BABAM2: variants seen among roughly 807,000 people sequenced by gnomAD.
The protein encoded by BABAM2 is BRISC and BRCA1 A complex member 2, also known as BRISC and BRCA1-A complex member 2.
BABAM2 carries 31 observed loss-of-function variants against 54.7 expected under a neutral mutation model. That is an observed-to-expected ratio of 0.57 (90% CI 0.43 to 0.77). BABAM2 has a LOEUF of 0.77. Among genes scored for constraint, BABAM2 ranks in the 30% least tolerant of loss-of-function variants. The probability of loss-of-function intolerance (pLI) is 0.00; values close to 1 mark genes in which losing one functional copy is unlikely to be tolerated. For synonymous variants in BABAM2, 167 were observed against 162.9 expected (o/e 1.03, Z -0.19); for missense variants, 364 against 455.8 (o/e 0.80, Z 1.83).
intron 6 of BABAM2, among the ~76,000 whole-genome samples, chr2:28,058,311 TA>T (rs1328647037): frequency 6.6e-6 from 1 of 152,046 alleles, no homozygotes; most frequent in Non-Finnish European, 1.5e-5. Context: ...GTTACAGCCT[TA>T]AATACTTAAC....
chr2:28,297,758 T>C (rs1687813459), intron 10 of BABAM2, among the ~76,000 whole-genome samples: 1 of 152,178 alleles, frequency 6.6e-6, no homozygotes, highest in Non-Finnish European at 1.5e-5. Context: ...TGATTGGAAG[T>C]AGAGTGATAA....
chr2:27,935,951 C>T (rs142840124), intron 3 of BABAM2, among the ~76,000 whole-genome samples: 18 of 152,234 alleles, frequency 1.2e-4, no homozygotes, highest in African/African-American at 4.1e-4. Context: ...CAGGGTCTTG[C>T]TCTGTCTCCC....
At chr2:28,026,939 A>AT (rs1558667900) in intron 5 of BABAM2, among the ~76,000 whole-genome samples, 1,799 of 11,544 alleles carry the variant, frequency 0.16, 108 homozygotes, top group Non-Finnish European at 0.32. Flanking sequence ...TATATATATA[A>AT]ATATATATTA....
chr2:28,144,231 C>T (rs1416757279), intron 7 of BABAM2, among the ~76,000 whole-genome samples: 1 of 152,180 alleles, frequency 6.6e-6, no homozygotes, highest in African/African-American at 2.4e-5. Context: ...TTACTGTCAT[C>T]ATCATCAACA....
At chr2:27,966,374 C>G (rs1347823241) in intron 3 of BABAM2, among the ~76,000 whole-genome samples, 2 of 148,058 alleles carry the variant, frequency 1.4e-5, no homozygotes, top group Non-Finnish European at 3.0e-5. Flanking sequence ...TTCACATCTT[C>G]TGAAGACAAC....
At chr2:28,003,198 A>G (rs929495664) in intron 4 of BABAM2, among the ~76,000 whole-genome samples, 1 of 152,164 alleles carries the variant, frequency 6.6e-6, no homozygotes, top group Admixed American at 6.5e-5. Flanking sequence ...TTGTTTTGCA[A>G]GTAGATAATT....
intron 10 of BABAM2, among the ~76,000 whole-genome samples, chr2:28,282,997 CAAAAAAAAAAAAA>C (rs370484850): frequency 1.4e-5 from 1 of 71,940 alleles, no homozygotes; most frequent in South Asian, 5.4e-4. Context: ...GACTCCGTCC[CAAAAAAAAAAAAA>C]AAAAAAAAGG....
chr2:27,965,417 C>G (rs897939658), intron 3 of BABAM2, among the ~76,000 whole-genome samples: 5 of 152,158 alleles, frequency 3.3e-5, no homozygotes, highest in Non-Finnish European at 7.4e-5. Context: ...AGTTTCACAG[C>G]TATCAACTCA....
chr2:27,892,473 A>G (rs1012441713), intron 1 of BABAM2: 7 of 152,180 alleles, frequency 4.6e-5, no homozygotes, highest in African/African-American at 1.7e-4. Context: ...CTTTTTTATA[A>G]GATAGGTATA....
intron 2 of BABAM2, among the ~76,000 whole-genome samples, chr2:27,907,388 C>T (rs969553953): frequency 2.0e-5 from 3 of 151,668 alleles, no homozygotes; most frequent in Non-Finnish European, 4.4e-5. Context: ...AGGTGTAATG[C>T]CCTCAGAATG....
At chr2:28,297,396 C>G (rs1687783869) in intron 10 of BABAM2, among the ~76,000 whole-genome samples, 1 of 152,204 alleles carries the variant, frequency 6.6e-6, no homozygotes, top group African/African-American at 2.4e-5. Context: ...TTATGCTGTT[C>G]CTATTCTTTG....
chr2:28,307,023 T>TTG (rs1688603850), intron 11 of BABAM2, among the ~76,000 whole-genome samples: 1 of 130,518 alleles, frequency 7.7e-6, no homozygotes, highest in Middle Eastern at 4.4e-3. Context: ...TTTTTTTTTT[T>TTG]TGAGACAGAG....
At chr2:28,280,545 A>G (rs368299481) in intron 10 of BABAM2, among the ~76,000 whole-genome samples, 8 of 152,300 alleles carry the variant, frequency 5.3e-5, no homozygotes, top group Admixed American at 4.6e-4. Flanking sequence ...AACCAAATAC[A>G]TACACACATA....
chr2:28,130,073 T>C (rs892563349), intron 7 of BABAM2, among the ~76,000 whole-genome samples: 2 of 152,186 alleles, frequency 1.3e-5, no homozygotes, highest in Non-Finnish European at 2.9e-5. Flanking sequence ...GAAAATGGAT[T>C]ATAAGCAGAT....
intron 7 of BABAM2, among the ~76,000 whole-genome samples, chr2:28,229,949 C>T (rs1344031132): frequency 1.3e-5 from 2 of 152,166 alleles, no homozygotes; most frequent in African/African-American, 4.8e-5. Flanking sequence ...TTAGCCATTT[C>T]AACTTTTTTA....
In BABAM2 at chr2:27,915,170, T is replaced by C. The variant is rs191919156; in HGVS notation, c.129-14662T>C. 4.5e-4 allele frequency among the ~76,000 whole-genome samples: 68 copies of C among 152,264 alleles called. 1 individual carries two copies. The highest frequency in any genetic ancestry group is 4.3e-3 in the Admixed American group (65 of 15,284). On this transcript the variant is annotated intron_variant, in intron 2 of 11. Coordinates refer to ENST00000379624, the MANE Select transcript of BABAM2 (RefSeq NM_199191.3). Reference sequence around the variant, plus strand: ...TTGTCTGTGGAATGAAGAAATGAAGTAGCCCGGTGAAGAGGTGAGGAGGTC... The same window carrying C: ...TTGTCTGTGGAATGAAGAAATGAAGCAGCCCGGTGAAGAGGTGAGGAGGTC...
At chr2:28,316,594 A>G (rs1689580400) in intron 11 of BABAM2, among the ~76,000 whole-genome samples, 1 of 152,200 alleles carries the variant, frequency 6.6e-6, no homozygotes, top group East Asian at 1.9e-4. Flanking sequence ...ACATTCCCAC[A>G]GTCAATTGGT....
At position 28,304,352 on chromosome 2, in the gene BABAM2, C is replaced by A. The variant is rs1688342830; in HGVS notation, c.1088+5861C>A. 1.3e-5 allele frequency among the ~76,000 whole-genome samples: 2 copies of A among 150,850 alleles called. No individual in the cohort carries two copies. Among genetic ancestry groups the A allele is most frequent in the Admixed American group, 1.3e-4 (2 of 15,154 alleles). ...ATTACAGGCATGAGCCACTGCATTC[C>A]ACCTGTTTTTGCTTTTATTGTAAAT... On this transcript the variant is annotated intron_variant, in intron 11 of 11. Transcript: ENST00000379624. The surrounding 1 kb of genome is among the most constrained non-coding windows in gnomAD (Gnocchi z 4.0).
At chr2:28,165,529 C>CTTTTTTTTTTTTTTTTTT (rs1192641957) in intron 7 of BABAM2, among the ~76,000 whole-genome samples, 4 of 72,270 alleles carry the variant, frequency 5.5e-5, no homozygotes, top group Admixed American at 2.3e-4. Context: ...TTTTTCCTTG[C>CTTTTTTTTTTTTTTTTTT]TTTTTTTTTT....
Sources: allele counts gnomAD v4.1 joint callset (sites outside exome capture counted in the v4.1 genomes callset), GRCh38; gene constraint gnomAD v4.1.1; non-coding constraint Gnocchi (gnomAD v3.1); transcripts MANE v1.5; gene names NCBI Gene and HGNC (gene_info 2026-07-23, HGNC 2026-07-21).